ZC3H12B: variants seen among roughly 807,000 people sequenced by gnomAD.
ZC3H12B encodes the protein zinc finger CCCH-type containing 12B.
ZC3H12B carries 7 observed loss-of-function variants against 43.9 expected under a neutral mutation model. The observed-to-expected ratio is 0.16, with a 90% CI of 0.09 to 0.30. ZC3H12B has a LOEUF of 0.30. Ranked by LOEUF, ZC3H12B falls within the 10% of genes least tolerant of loss-of-function variation. The pLI, the probability that ZC3H12B is intolerant of heterozygous loss-of-function variation, is 1.00. For missense variants in ZC3H12B, 475 were observed against 670.2 expected (o/e 0.71, Z 3.22); for synonymous variants, 222 against 241.7 (o/e 0.92, Z 0.76).
the ZC3H12B span, among the ~76,000 whole-genome samples, chrX:65,254,079 C>G: frequency 1.8e-5 from 2 of 112,186 alleles, no homozygotes; most frequent in Middle Eastern, 4.7e-3. Context: ...CGTGCACTGC[C>G]ATTGCTGCCA....
At chrX:65,374,020 C>T (rs1278589936) in intron 2 of ZC3H12B, among the ~76,000 whole-genome samples, 11 of 32,005 alleles carry the variant, frequency 3.4e-4, no homozygotes, top group East Asian at 8.8e-4. Flanking sequence ...ACTATATATA[C>T]AGTATATATA....
the ZC3H12B span, among the ~76,000 whole-genome samples, chrX:65,042,908 C>T: frequency 9.0e-6 from 1 of 111,641 alleles, no homozygotes; most frequent in Non-Finnish European, 1.9e-5. Context: ...GCTATAGGGT[C>T]TTCTGTTTAT....
the ZC3H12B span, among the ~76,000 whole-genome samples, chrX:65,194,448 G>T: frequency 9.0e-6 from 1 of 110,931 alleles, no homozygotes; most frequent in Non-Finnish European, 1.9e-5. Context: ...ATCATTCAGG[G>T]AAATATTTTG....
the ZC3H12B span, among the ~76,000 whole-genome samples, chrX:65,116,860 C>T: frequency 9.0e-6 from 1 of 111,679 alleles, no homozygotes; most frequent in African/African-American, 3.3e-5. Context: ...TGGTATCCAG[C>T]TTCATCCATG....
intron 1 of ZC3H12B, 37 bp from the exon 4 acceptor site, chrX:65,368,792 G>A (rs2066207618): frequency 1.8e-5 from 2 of 112,214 alleles, no homozygotes; most frequent in African/African-American, 6.5e-5. Flanking sequence ...TCTCATCATA[G>A]GTTTGCCTTC....
the ZC3H12B span, chrX:65,273,066 A>G: frequency 8.9e-6 from 1 of 112,184 alleles, no homozygotes; most frequent in Admixed American, 9.4e-5. Flanking sequence ...TATGGCCACT[A>G]ACAGTGTGAC....
chrX:65,443,483 G>A (rs1004752613), intron 3 of ZC3H12B, among the ~76,000 whole-genome samples: 4 of 112,031 alleles, frequency 3.6e-5, no homozygotes, highest in Non-Finnish European at 3.8e-5. Context: ...AGAGCTGAGA[G>A]CCCCAAACAG....
chrX:65,184,891 A>T, the ZC3H12B span: 2 of 111,683 alleles, frequency 1.8e-5, no homozygotes, highest in African/African-American at 3.2e-5. Flanking sequence ...CCTAATAATT[A>T]TACATATTTA....
At chrX:65,424,424 C>G (rs761694077) in intron 3 of ZC3H12B, among the ~76,000 whole-genome samples, 21 of 111,848 alleles carry the variant, frequency 1.9e-4, no homozygotes, top group Non-Finnish European at 3.8e-4. Context: ...GTTGTCTGCT[C>G]ACTTTGGTGA....
At chrX:65,331,872 C>T in the ZC3H12B span, among the ~76,000 whole-genome samples, 1 of 111,305 alleles carries the variant, frequency 9.0e-6, no homozygotes, top group Non-Finnish European at 1.9e-5. Context: ...TGTCTTTTTG[C>T]ATGCTAATGC....
intron 2 of ZC3H12B, among the ~76,000 whole-genome samples, chrX:65,395,824 C>T (rs762486817): frequency 9.0e-5 from 10 of 111,649 alleles, no homozygotes; most frequent in African/African-American, 3.2e-4. Flanking sequence ...CCTGGCCTTT[C>T]TTTTGGTTGG....
At chrX:65,341,984 A>C in the ZC3H12B span, among the ~76,000 whole-genome samples, 1 of 111,179 alleles carries the variant, frequency 9.0e-6, no homozygotes, top group Non-Finnish European at 1.9e-5. Context: ...TGGATAAAGA[A>C]CCAAGACCCA....
chrX:65,181,417 A>G, the ZC3H12B span, among the ~76,000 whole-genome samples: 1 of 111,908 alleles, frequency 8.9e-6, no homozygotes, highest in Non-Finnish European at 1.9e-5. Flanking sequence ...ATCTAATTAA[A>G]CTAAAGAGCT....
At chrX:65,243,316 C>T in the ZC3H12B span, among the ~76,000 whole-genome samples, 1 of 112,150 alleles carries the variant, frequency 8.9e-6, no homozygotes, top group Non-Finnish European at 1.9e-5. Context: ...GATCTGAATA[C>T]ACATTTGTCA....
chrX:65,292,629 T>C, the ZC3H12B span, among the ~76,000 whole-genome samples: 1 of 110,327 alleles, frequency 9.1e-6, no homozygotes, highest in Non-Finnish European at 1.9e-5. Flanking sequence ...AATAGAAGTT[T>C]TTTTTTTTTT....
At chrX:65,056,506 C>T in the ZC3H12B span, among the ~76,000 whole-genome samples, 2 of 111,516 alleles carry the variant, frequency 1.8e-5, no homozygotes, top group Non-Finnish European at 3.8e-5. Context: ...TGCTTTACTT[C>T]CAACTATGTG....
the ZC3H12B span, among the ~76,000 whole-genome samples, chrX:65,086,363 C>G: frequency 9.0e-6 from 1 of 111,074 alleles, no homozygotes; most frequent in East Asian, 2.8e-4. Flanking sequence ...TTCCTTGTAA[C>G]CAATCTTCCA....
the ZC3H12B span, among the ~76,000 whole-genome samples, chrX:65,132,377 C>T: frequency 1.8e-5 from 2 of 110,619 alleles, no homozygotes; most frequent in South Asian, 7.7e-4. Flanking sequence ...CCCTTAAAGC[C>T]TGTTGTGGGA....
the ZC3H12B span, among the ~76,000 whole-genome samples, chrX:65,159,895 G>C: frequency 9.0e-6 from 1 of 111,522 alleles, no homozygotes; most frequent in Admixed American, 9.5e-5. Context: ...TATTGGCTGT[G>C]GGTTTGTCAT....
Sources: gnomAD v4.1 joint callset for allele counts (sites outside exome capture counted in the v4.1 genomes callset) on GRCh38, gnomAD v4.1.1 for gene constraint, MANE v1.5 for transcripts, NCBI Gene and HGNC (gene_info 2026-07-23, HGNC 2026-07-21) for gene names.